The following PHF20L1 variants were observed in gnomAD, a reference collection of about 807,000 sequenced individuals.
PHF20L1 encodes the protein PHD finger protein 20 like 1, also known as PHD finger protein 20-like protein 1.
A neutral mutation model predicts 125.5 loss-of-function variants in PHF20L1; 44 were observed. The ratio of observed to expected loss-of-function variants is 0.35; its 90% CI spans 0.28 to 0.45. PHF20L1 has a LOEUF of 0.45. Among genes scored for constraint, PHF20L1 ranks in the 20% least tolerant of loss-of-function variants. PHF20L1 has a pLI of 1.00. For missense variants in PHF20L1, 1,012 were observed against 1,217.2 expected (o/e 0.83, Z 2.51); for synonymous variants, 380 against 403.1 (o/e 0.94, Z 0.69).
intron 19 of PHF20L1, 94 bp downstream of exon 19, chr8:132,842,969 G>C (rs1950366815): frequency 6.8e-7 from 1 of 1,470,938 alleles, no homozygotes; most frequent in Non-Finnish European, 9.0e-7. Context: ...CCAGATTTTA[G>C]TTGTATTTCC....
chr8:132,781,868 T>A (rs1830469697), intron 2 of PHF20L1, among the ~76,000 whole-genome samples: 1 of 152,244 alleles, frequency 6.6e-6, no homozygotes, highest in African/African-American at 2.4e-5. Flanking sequence ...TCCCAGTATT[T>A]GCTTTTTGAT....
chr8:132,810,580 A>G (rs928241876), intron 8 of PHF20L1: 3 of 156,904 alleles, frequency 1.9e-5, no homozygotes, highest in African/African-American at 7.2e-5. Context: ...AAGGATCTAA[A>G]TGAACTTAAG....
At chr8:132,803,591 T>C (rs1040098995) in intron 6 of PHF20L1, 9 of 474,278 alleles carry the variant, frequency 1.9e-5, no homozygotes, top group South Asian at 3.0e-5. Context: ...ATACCTGTTA[T>C]TGAATATGCT....
intron 9 of PHF20L1, among the ~76,000 whole-genome samples, chr8:132,813,382 A>G (rs1376707522): frequency 3.3e-5 from 5 of 152,008 alleles, no homozygotes; most frequent in Admixed American, 6.6e-5. Context: ...GGTATGTCCA[A>G]CATGCTGTCT....
At chr8:132,836,969 T>C (rs1378195843) in intron 16 of PHF20L1, among the ~76,000 whole-genome samples, 2 of 152,136 alleles carry the variant, frequency 1.3e-5, no homozygotes, top group African/African-American at 2.4e-5. Context: ...TGAAACTCTT[T>C]AGAGTGATTA....
chr8:132,780,216 G>T (rs1314002542), intron 2 of PHF20L1, among the ~76,000 whole-genome samples: 1 of 152,078 alleles, frequency 6.6e-6, no homozygotes, highest in South Asian at 2.1e-4. Context: ...CTTAAATTTA[G>T]TATTAGGTGG....
At chr8:132,842,901 T>C (rs377461104) in intron 19 of PHF20L1, 26 bp downstream of exon 19, 2 of 1,570,876 alleles carry the variant, frequency 1.3e-6, no homozygotes, top group Non-Finnish European at 1.7e-6. Context: ...TTTTCTTTGC[T>C]TGGAAACTAT....
intron 17 of PHF20L1, chr8:132,838,533 A>C (rs1381942702): frequency 6.6e-6 from 1 of 152,168 alleles, no homozygotes; most frequent in African/African-American, 2.4e-5. Flanking sequence ...CATATTCTGC[A>C]TATTGAATTT....
At chr8:132,834,562 A>G (rs772553470) in intron 15 of PHF20L1, among the ~76,000 whole-genome samples, 14 of 151,998 alleles carry the variant, frequency 9.2e-5, no homozygotes, top group Non-Finnish European at 2.1e-4. Flanking sequence ...TCAAACTCCT[A>G]ACTTAAAGTG....
intron 15 of PHF20L1, among the ~76,000 whole-genome samples, 160 bp downstream of exon 15, chr8:132,832,559 A>G (rs1343444722): frequency 1.3e-5 from 2 of 152,158 alleles, no homozygotes; most frequent in Admixed American, 6.6e-5. Context: ...TTTAATTTAT[A>G]TAAAGTTAAA....
At chr8:132,837,957 A>C in intron 17 of PHF20L1, 146 bp downstream of exon 17, 1 of 622,040 alleles carries the variant, frequency 1.6e-6, no homozygotes, top group Non-Finnish European at 3.0e-6. Context: ...ACTCCAAATG[A>C]AACAGCATGC....
At chr8:132,816,382 G>C (rs1268464075) in intron 10 of PHF20L1, 1 of 151,194 alleles carries the variant, frequency 6.6e-6, no homozygotes, top group East Asian at 2.0e-4. Context: ...ATTTGGGGGG[G>C]ATGATGATGG....
chr8:132,812,121 C>T (rs997275667), intron 9 of PHF20L1: 67 of 979,326 alleles, frequency 6.8e-5, no homozygotes, highest in Non-Finnish European at 8.0e-5. Context: ...TTCTGATTTT[C>T]TGTGATCATC....
chr8:132,835,761 C>T (rs1837287733), intron 15 of PHF20L1, among the ~76,000 whole-genome samples: 1 of 152,088 alleles, frequency 6.6e-6, no homozygotes, highest in African/African-American at 2.4e-5. Flanking sequence ...GAGAATCAGG[C>T]ATTCCTGGTA....
At chr8:132,835,484 C>T (rs1432961320) in intron 15 of PHF20L1, among the ~76,000 whole-genome samples, 2 of 151,940 alleles carry the variant, frequency 1.3e-5, no homozygotes, top group African/African-American at 4.8e-5. Flanking sequence ...ATAAAGATTC[C>T]CCCGTGTCTG....
At chr8:132,838,138 C>T (rs1837568408) in intron 17 of PHF20L1, 1 of 199,940 alleles carries the variant, frequency 5.0e-6, no homozygotes, top group Non-Finnish European at 1.1e-5. Context: ...AATATTTTTT[C>T]ACTGTTACAT....
chr8:132,810,468 G>GA (rs1176448146), intron 8 of PHF20L1: 4 of 152,016 alleles, frequency 2.6e-5, no homozygotes, highest in Non-Finnish European at 5.9e-5. Context: ...GATGTTCTAG[G>GA]AAAGACCCAC....
rs112196551 is a variant in PHF20L1, at chr8:132,832,466, C to T, written c.1909+67C>T. On this transcript the variant is annotated intron_variant, in intron 15 of 20. Transcript: ENST00000395386. ...CCTAAATGTGTAACTGAGAATAAAA[C>T]GTACTCTGTTAAGAGCATGCGATTT... The T allele has an allele frequency of 9.3e-3, 10,722 of 1,151,690 alleles. 94 individuals carry two copies. The highest frequency in any genetic ancestry group is 0.012 in the Non-Finnish European group (9,014 of 779,706). 71.3% of individuals were successfully genotyped at this position (1,151,690 alleles called of 1,614,324 possible).
chr8:132,843,688 C>G (rs1398318144), intron 19 of PHF20L1: 3 of 982,812 alleles, frequency 3.1e-6, no homozygotes, highest in Non-Finnish European at 3.6e-6. Context: ...CCTTTCCCTC[C>G]CTTCATTGAT....
Sources: allele counts gnomAD v4.1 joint callset (sites outside exome capture counted in the v4.1 genomes callset), GRCh38; gene constraint gnomAD v4.1.1; transcripts MANE v1.5; gene names NCBI Gene and HGNC (gene_info 2026-07-23, HGNC 2026-07-21).